Variants in CHST11 observed in about 807,000 individuals in gnomAD.
CHST11 encodes carbohydrate sulfotransferase 11.
A neutral mutation model predicts 30.4 loss-of-function variants in CHST11; 9 were observed. The observed-to-expected ratio is 0.30, with a 90% CI of 0.18 to 0.52. CHST11 has a LOEUF of 0.52. Ranked by LOEUF, CHST11 falls within the 20% of genes least tolerant of loss-of-function variation. The pLI is 0.97. For synonymous variants in CHST11, 152 were observed against 187.8 expected, an observed-to-expected ratio of 0.81 and a Z score of 1.56; for missense variants, 348 against 460.6, an observed-to-expected ratio of 0.76 and a Z score of 2.24.
chr12:104,458,450 A>G lies in CHST11; in HGVS notation c.118+921A>G, dbSNP rs1213756977. On this transcript the variant is annotated intron_variant, in intron 1 of 2. Coordinates refer to ENST00000303694, the MANE Select transcript of CHST11 (RefSeq NM_018413.6). The surrounding 1 kb of genome is among the most constrained non-coding windows in gnomAD (Gnocchi z 5.7). ...CCACGTCCGAAATCTGGACTGGGGG[A>G]GGGACGAGGCTCGTCGCTTCCTAGG... Among the ~76,000 whole-genome samples, 1 of 151,996 alleles carries G rather than the reference A, an allele frequency of 6.6e-6. No homozygotes were observed. Among genetic ancestry groups the G allele is most frequent in the African/African-American group, 2.4e-5 (1 of 41,372 alleles).
chr12:104,595,257 T>A (rs1271344388), intron 1 of CHST11, among the ~76,000 whole-genome samples: 6 of 152,162 alleles, frequency 3.9e-5, no homozygotes, highest in Non-Finnish European at 8.8e-5. Flanking sequence ...GTGTTATTAT[T>A]AGAAAATGAT....
chr12:104,644,245 C>G (rs34993754), intron 2 of CHST11, among the ~76,000 whole-genome samples: 17,708 of 152,192 alleles, frequency 0.12, 1,272 homozygotes, highest in East Asian at 0.18. Flanking sequence ...ACACCCCCTA[C>G]CTTCCCTGCA....
intron 2 of CHST11, among the ~76,000 whole-genome samples, chr12:104,640,007 C>T (rs899819823): frequency 2.6e-5 from 4 of 152,126 alleles, no homozygotes; most frequent in African/African-American, 9.7e-5. Context: ...TAGGGAATTA[C>T]AAATTAAAAC....
intron 1 of CHST11, among the ~76,000 whole-genome samples, chr12:104,559,571 CCT>C (rs1241381671): frequency 2.0e-5 from 3 of 151,980 alleles, no homozygotes; most frequent in African/African-American, 7.3e-5. Context: ...GGTAAAACCC[CCT>C]CTCTACTAAA....
chr12:104,667,042 T>G (rs561766495), intron 2 of CHST11, among the ~76,000 whole-genome samples: 1 of 152,322 alleles, frequency 6.6e-6, no homozygotes, highest in African/African-American at 2.4e-5. Context: ...TAGTTCTTCA[T>G]GAACATAGTC....
At chr12:104,540,271 A>G (rs1287386354) in intron 1 of CHST11, among the ~76,000 whole-genome samples, 1 of 152,250 alleles carries the variant, frequency 6.6e-6, no homozygotes, top group African/African-American at 2.4e-5. Context: ...AATAAAATGA[A>G]TGAATAAAGC....
chr12:104,612,920 A>C (rs1019803457), intron 2 of CHST11, among the ~76,000 whole-genome samples: 5 of 152,204 alleles, frequency 3.3e-5, no homozygotes, highest in African/African-American at 1.2e-4. Flanking sequence ...CATTGTTCAC[A>C]ACAGTAAGAT....
intron 2 of CHST11, among the ~76,000 whole-genome samples, chr12:104,696,911 T>C (rs896759668): frequency 6.6e-6 from 1 of 152,244 alleles, no homozygotes; most frequent in Non-Finnish European, 1.5e-5. Context: ...GCCTGTTCTG[T>C]ACAACTATGT....
At chr12:104,703,186 G>T (rs1312209197) in intron 2 of CHST11, among the ~76,000 whole-genome samples, 1 of 152,224 alleles carries the variant, frequency 6.6e-6, no homozygotes, top group Non-Finnish European at 1.5e-5. Context: ...CATAGTGGGT[G>T]CACCCTAGAG....
intron 1 of CHST11, among the ~76,000 whole-genome samples, chr12:104,583,131 G>C (rs931649657): frequency 6.6e-6 from 1 of 152,156 alleles, no homozygotes; most frequent in Admixed American, 6.5e-5. Context: ...GCTTATCAAG[G>C]CAACAGAAAT....
intron 2 of CHST11, among the ~76,000 whole-genome samples, chr12:104,670,046 A>G (rs1169555843): frequency 1.3e-5 from 2 of 152,220 alleles, no homozygotes; most frequent in Admixed American, 6.5e-5. Flanking sequence ...TCGCTTTCCT[A>G]AAGCTTCACC....
chr12:104,659,312 G>T (rs1199405626), intron 2 of CHST11, among the ~76,000 whole-genome samples: 1 of 152,176 alleles, frequency 6.6e-6, no homozygotes, highest in African/African-American at 2.4e-5. Flanking sequence ...GTTTAGGGAG[G>T]ATTCCTTGAG....
chr12:104,672,670 G>A (rs2039707110), intron 2 of CHST11, among the ~76,000 whole-genome samples: 1 of 152,216 alleles, frequency 6.6e-6, no homozygotes, highest in Admixed American at 6.5e-5. Context: ...ATGACGGGCA[G>A]CTCAGTGCAT....
At chr12:104,630,404 C>G (rs1261517743) in intron 2 of CHST11, among the ~76,000 whole-genome samples, 1 of 152,204 alleles carries the variant, frequency 6.6e-6, no homozygotes, top group Non-Finnish European at 1.5e-5. Context: ...CAATTCCTGG[C>G]AGGTGGTGAG....
intron 1 of CHST11, among the ~76,000 whole-genome samples, chr12:104,537,091 G>T (rs1473471641): frequency 6.6e-6 from 1 of 152,192 alleles, no homozygotes; most frequent in Non-Finnish European, 1.5e-5. Flanking sequence ...TTGCACGCAG[G>T]TGTGTGGAAC....
intron 1 of CHST11, among the ~76,000 whole-genome samples, chr12:104,481,566 G>A (rs2037623038): frequency 6.6e-6 from 1 of 152,118 alleles, no homozygotes; most frequent in Admixed American, 6.5e-5. Context: ...TCCTTCTGTA[G>A]GGAGCGGTCA....
intron 1 of CHST11, among the ~76,000 whole-genome samples, chr12:104,599,341 C>T (rs904245764): frequency 6.6e-6 from 1 of 152,220 alleles, no homozygotes; most frequent in Non-Finnish European, 1.5e-5. Flanking sequence ...TTAATGGATT[C>T]CATGGTAGGC....
chr12:104,602,254 C>T, intron 2 of CHST11: 1 of 506,782 alleles, frequency 2.0e-6, no homozygotes, highest in Non-Finnish European at 3.5e-6. Flanking sequence ...CTGAGATTAA[C>T]AGTCTCAAGT....
At chr12:104,753,288 AT>A (rs2040448852) in intron 2 of CHST11, among the ~76,000 whole-genome samples, 1 of 152,214 alleles carries the variant, frequency 6.6e-6, no homozygotes, top group Non-Finnish European at 1.5e-5. Context: ...CGTCTGACGG[AT>A]CCTCAGCTGT....
Sources: gnomAD v4.1 joint callset for allele counts (sites outside exome capture counted in the v4.1 genomes callset) on GRCh38, gnomAD v4.1.1 for gene constraint, Gnocchi (gnomAD v3.1) non-coding constraint, MANE v1.5 for transcripts, NCBI Gene and HGNC (gene_info 2026-07-23, HGNC 2026-07-21) for gene names.